Variants in DPP10 observed in about 807,000 individuals in gnomAD.
DPP10 encodes inactive dipeptidyl peptidase 10.
Under a neutral mutation model 120.9 loss-of-function variants are expected in DPP10, and 33 were observed. The ratio of observed to expected loss-of-function variants is 0.27; its 90% CI spans 0.21 to 0.37. The LOEUF is 0.37. DPP10 is among the 10% of genes least tolerant of loss of function. The probability of loss-of-function intolerance (pLI) is 1.00; values close to 1 mark genes in which losing one functional copy is unlikely to be tolerated. For missense variants in DPP10, 816 were observed against 942.8 expected, an observed-to-expected ratio of 0.87 and a Z score of 1.76; for synonymous variants, 337 against 326.1, an observed-to-expected ratio of 1.03 and a Z score of -0.36.
At chr2:115,042,008 CTTT>C (rs5833573) in intron 1 of DPP10, among the ~76,000 whole-genome samples, 79 of 80,332 alleles carry the variant, frequency 9.8e-4, no homozygotes, top group African/African-American at 3.0e-3. Context: ...TCTATCTTAT[CTTT>C]TTTTTTTTTT....
chr2:114,752,367 T>A (rs1170843484), intron 1 of DPP10, among the ~76,000 whole-genome samples: 1 of 152,094 alleles, frequency 6.6e-6, no homozygotes, highest in Admixed American at 6.5e-5. Flanking sequence ...TTTTAGACAC[T>A]GAAATTCTAT....
In DPP10 at chr2:114,836,093, T is replaced by C. The variant is rs573428256; in HGVS notation, c.60+393255T>C. 5.5e-4 allele frequency among the ~76,000 whole-genome samples: 83 copies of C among 152,254 alleles called. 1 individual carries two copies. The highest frequency in any genetic ancestry group is 1.9e-3 in the African/African-American group (78 of 41,556). ...CTCTTTCACCCCACCCCTAACTTTC[T>C]CCTTAACTCTCTGGCAATTCCATGC... On this transcript the variant is annotated intron_variant, in intron 1 of 25. Transcript: ENST00000410059.
chr2:115,408,520 C>G (rs2068699480), intron 3 of DPP10, among the ~76,000 whole-genome samples: 1 of 152,008 alleles, frequency 6.6e-6, no homozygotes, highest in African/African-American at 2.4e-5. Flanking sequence ...GTAAAATATA[C>G]ATTACTTTCA....
At chr2:114,605,254 T>A (rs1692694168) in intron 1 of DPP10, among the ~76,000 whole-genome samples, 2 of 152,052 alleles carry the variant, frequency 1.3e-5, no homozygotes, top group Admixed American at 1.3e-4. Context: ...ACAAATACAG[T>A]TAACCCTTGA....
At chr2:115,483,797 A>G (rs1396210176) in intron 3 of DPP10, among the ~76,000 whole-genome samples, 3 of 152,076 alleles carry the variant, frequency 2.0e-5, no homozygotes, top group South Asian at 4.1e-4. Flanking sequence ...TAACAACTCA[A>G]CAGGAGACTT....
At chr2:115,378,933 G>T (rs992143707) in intron 3 of DPP10, among the ~76,000 whole-genome samples, 1 of 152,198 alleles carries the variant, frequency 6.6e-6, no homozygotes, top group Non-Finnish European at 1.5e-5. Context: ...GCTTTTTGAT[G>T]TGCTGCTGGA....
rs774464353 is a variant in DPP10, at chr2:115,507,301, T to A, written c.366+7697T>A. On this transcript the variant is annotated intron_variant, in intron 4 of 25. Coordinates refer to ENST00000410059, the MANE Select transcript of DPP10 (RefSeq NM_020868.6). ...TTGCCAAGTGTTGTTTGGATCCCTG[T>A]TGTGTGTCAGATAATATTCCAGATT... Among the ~76,000 whole-genome samples, 7 of 152,282 alleles carry A rather than the reference T, an allele frequency of 4.6e-5. No homozygotes were observed. In the East Asian group the frequency reaches 7.7e-4, roughly 17 times the overall value.
At chr2:114,662,941 A>AT (rs1452190885) in intron 1 of DPP10, among the ~76,000 whole-genome samples, 3 of 152,096 alleles carry the variant, frequency 2.0e-5, no homozygotes, top group Non-Finnish European at 4.4e-5. Context: ...GGCACTTTTG[A>AT]TTGAGTTCTT....
chr2:115,003,026 A>T (rs1292496068), intron 1 of DPP10, among the ~76,000 whole-genome samples: 2 of 151,952 alleles, frequency 1.3e-5, no homozygotes, highest in South Asian at 2.1e-4. Flanking sequence ...TACTCAAAGG[A>T]CTACATATTG....
chr2:115,335,481 A>G (rs1057464383), intron 2 of DPP10, among the ~76,000 whole-genome samples: 1 of 152,056 alleles, frequency 6.6e-6, no homozygotes, highest in Admixed American at 6.6e-5. Flanking sequence ...AATTTAGACC[A>G]TATTTCATCT....
chr2:115,228,128 T>G (rs1297448730), intron 1 of DPP10, among the ~76,000 whole-genome samples: 1 of 151,856 alleles, frequency 6.6e-6, no homozygotes, highest in Non-Finnish European at 1.5e-5. Flanking sequence ...TTGTTGTTGT[T>G]GTTGACATGG....
chr2:114,495,621 G>A (rs1454685480), intron 1 of DPP10, among the ~76,000 whole-genome samples: 1 of 152,080 alleles, frequency 6.6e-6, no homozygotes, highest in Non-Finnish European at 1.5e-5. Context: ...GCAAAGGGAG[G>A]TTTTATCCTC....
chr2:115,743,933 C>G (rs1339943895), intron 9 of DPP10, among the ~76,000 whole-genome samples: 1 of 150,628 alleles, frequency 6.6e-6, no homozygotes, highest in Non-Finnish European at 1.5e-5. Flanking sequence ...GGTGGACTGC[C>G]TTCAGCAGTC....
intron 3 of DPP10, among the ~76,000 whole-genome samples, chr2:115,428,355 C>T (rs1177594050): frequency 1.3e-5 from 2 of 152,106 alleles, no homozygotes; most frequent in Non-Finnish European, 2.9e-5. Context: ...GCTGTTCTTG[C>T]TTTGCTATTA....
Position 114,997,326 on chromosome 2 carries a change from G to GAAA in DPP10, c.61-311899_61-311897dup, listed in dbSNP as rs11458569. Among the ~76,000 whole-genome samples, 157 of 135,754 alleles carry GAAA rather than the reference G, an allele frequency of 1.2e-3. 3 individuals carry two copies. Among genetic ancestry groups the GAAA allele is most frequent in the South Asian group, 3.6e-3 (15 of 4,144 alleles). 89.1% of individuals were successfully genotyped at this position (135,754 alleles called of 152,430 possible). On this transcript the variant is annotated intron_variant, in intron 1 of 25. Coordinates refer to ENST00000410059, the MANE Select transcript of DPP10 (RefSeq NM_020868.6). ...AACATGGTGAAACCCCGTCTCTACT[G>GAAA]AAAAAAAAAAAAAAAATTAGCTGAT...
chr2:115,602,467 G>A (rs2083390879), intron 5 of DPP10, among the ~76,000 whole-genome samples: 1 of 152,044 alleles, frequency 6.6e-6, no homozygotes, highest in Non-Finnish European at 1.5e-5. Context: ...GTCCTATAAA[G>A]GAAATGATAT....
intron 3 of DPP10, among the ~76,000 whole-genome samples, chr2:115,441,646 G>A (rs1256423099): frequency 6.6e-6 from 1 of 152,058 alleles, no homozygotes; most frequent in Non-Finnish European, 1.5e-5. Flanking sequence ...CACTTGAAAT[G>A]TAATTATTTG....
intron 3 of DPP10, among the ~76,000 whole-genome samples, chr2:115,385,658 G>C (rs1443939259): frequency 1.3e-5 from 2 of 152,086 alleles, no homozygotes; most frequent in East Asian, 3.9e-4. Flanking sequence ...CGCCCAGCCT[G>C]TTTAATCAGA....
At chr2:115,470,237 A>G (rs545793841) in intron 3 of DPP10, among the ~76,000 whole-genome samples, 3 of 152,200 alleles carry the variant, frequency 2.0e-5, no homozygotes, top group Non-Finnish European at 4.4e-5. Flanking sequence ...GGCATTGCTT[A>G]TTTGACTTTG....
Sources: allele counts gnomAD v4.1 joint callset (sites outside exome capture counted in the v4.1 genomes callset), GRCh38; gene constraint gnomAD v4.1.1; transcripts MANE v1.5; gene names NCBI Gene and HGNC (gene_info 2026-07-23, HGNC 2026-07-21).